The following FBXL17 variants were observed in gnomAD, a reference collection of about 807,000 sequenced individuals.
The protein encoded by FBXL17 is F-box and leucine rich repeat protein 17, also known as F-box/LRR-repeat protein 17.
Under a neutral mutation model 66.2 loss-of-function variants are expected in FBXL17, and 22 were observed. The observed-to-expected ratio is 0.33, with a 90% CI of 0.24 to 0.47. The LOEUF (loss-of-function observed/expected upper bound fraction) is 0.47, where lower values mean the gene tolerates loss of function less well. FBXL17 is among the 20% of genes least tolerant of loss of function. FBXL17 has a pLI of 1.00. For synonymous variants in FBXL17, 474 were observed against 400.5 expected (o/e 1.18, Z -2.19); for missense variants, 878 against 948.2 (o/e 0.93, Z 0.97).
intron 7 of FBXL17, among the ~76,000 whole-genome samples, chr5:107,914,313 T>C (rs1056393948): frequency 2.6e-5 from 4 of 152,112 alleles, no homozygotes; most frequent in Non-Finnish European, 5.9e-5. Context: ...GGTTGCAATA[T>C]CCCTACCTGG....
chr5:108,299,008 T>TA, intron 4 of FBXL17: 6 of 978,740 alleles, frequency 6.1e-6, no homozygotes, highest in Non-Finnish European at 7.3e-6. Flanking sequence ...TTTCCTCTAT[T>TA]ACCTAGCTGC....
chr5:108,144,896 T>C (rs1016375939), intron 6 of FBXL17, among the ~76,000 whole-genome samples: 1 of 152,328 alleles, frequency 6.6e-6, no homozygotes, highest in African/African-American at 2.4e-5. Context: ...TCAAGTAATT[T>C]AGTTAGACTT....
chr5:108,202,262 T>C (rs1220154665), intron 5 of FBXL17, among the ~76,000 whole-genome samples: 2 of 152,140 alleles, frequency 1.3e-5, no homozygotes, highest in African/African-American at 4.8e-5. Context: ...ATTTTACTAG[T>C]GTGATACTGA....
chr5:108,022,121 A>G (rs938753415), intron 6 of FBXL17, among the ~76,000 whole-genome samples: 1 of 151,884 alleles, frequency 6.6e-6, no homozygotes, highest in Non-Finnish European at 1.5e-5. Context: ...AAAATTTTTT[A>G]TGGAATTTTG....
intron 7 of FBXL17, among the ~76,000 whole-genome samples, chr5:107,887,685 C>T (rs1410022518): frequency 1.3e-5 from 2 of 152,126 alleles, no homozygotes; most frequent in African/African-American, 4.8e-5. Flanking sequence ...ATTCATGGTC[C>T]CTGCGAAGGC....
At chr5:108,027,828 C>T (rs1368767396) in intron 6 of FBXL17, among the ~76,000 whole-genome samples, 1 of 152,046 alleles carries the variant, frequency 6.6e-6, no homozygotes, top group Non-Finnish European at 1.5e-5. Flanking sequence ...CCTAATTCAC[C>T]AGTTTATTCA....
intron 7 of FBXL17, among the ~76,000 whole-genome samples, chr5:107,897,852 C>G (rs1383251094): frequency 2.0e-5 from 3 of 149,352 alleles, no homozygotes; most frequent in African/African-American, 7.4e-5. Context: ...CATGACTTCA[C>G]AGGATTTATG....
At chr5:108,263,125 C>T (rs1341433352) in intron 4 of FBXL17, among the ~76,000 whole-genome samples, 1 of 152,172 alleles carries the variant, frequency 6.6e-6, no homozygotes, top group East Asian at 1.9e-4. Context: ...GCTACACCAA[C>T]TCCCCATCTG....
intron 4 of FBXL17, among the ~76,000 whole-genome samples, chr5:108,293,178 T>C (rs752570318): frequency 1.4e-4 from 22 of 152,006 alleles, no homozygotes; most frequent in Admixed American, 3.3e-4. Flanking sequence ...GAAAATATGG[T>C]TATTGCTCAT....
chr5:108,240,271 C>T (rs147355108), intron 4 of FBXL17, among the ~76,000 whole-genome samples: 1 of 152,246 alleles, frequency 6.6e-6, no homozygotes, highest in East Asian at 1.9e-4. Context: ...TCCCTGATTC[C>T]AGGCATTAGC....
chr5:108,054,299 T>C (rs955942192), intron 6 of FBXL17, among the ~76,000 whole-genome samples: 1 of 151,798 alleles, frequency 6.6e-6, no homozygotes, highest in South Asian at 2.1e-4. Flanking sequence ...GTGTTTTCAC[T>C]GGGTATAAAA....
intron 7 of FBXL17, among the ~76,000 whole-genome samples, chr5:108,003,142 A>G (rs1466280872): frequency 6.6e-6 from 1 of 152,220 alleles, no homozygotes; most frequent in Non-Finnish European, 1.5e-5. Context: ...AAGCTTGCTA[A>G]TATTTGTGGC....
At chr5:108,323,042 A>G (rs922037662) in intron 4 of FBXL17, among the ~76,000 whole-genome samples, 1 of 151,968 alleles carries the variant, frequency 6.6e-6, no homozygotes, top group Non-Finnish European at 1.5e-5. Context: ...AATAACAGAA[A>G]CAAGACATGA....
intron 4 of FBXL17, among the ~76,000 whole-genome samples, chr5:108,261,905 C>T (rs755047693): frequency 4.6e-5 from 7 of 151,838 alleles, no homozygotes; most frequent in Non-Finnish European, 7.4e-5. Context: ...ATTTTTAAAA[C>T]GTTACTTTCC....
intron 4 of FBXL17, among the ~76,000 whole-genome samples, chr5:108,276,294 C>T (rs1243036720): frequency 6.6e-6 from 1 of 151,892 alleles, no homozygotes; most frequent in African/African-American, 2.4e-5. Flanking sequence ...TATCAAATGA[C>T]CTTGATGATC....
At chr5:108,153,160 C>A (rs553208114) in intron 6 of FBXL17, among the ~76,000 whole-genome samples, 69 of 152,296 alleles carry the variant, frequency 4.5e-4, no homozygotes, top group African/African-American at 1.7e-3. Context: ...GTCAGTTAAG[C>A]CTCTTTCTTC....
intron 7 of FBXL17, among the ~76,000 whole-genome samples, chr5:107,948,297 C>T (rs1298571120): frequency 6.6e-6 from 1 of 152,028 alleles, no homozygotes; most frequent in Non-Finnish European, 1.5e-5. Flanking sequence ...TTCTTCTTAT[C>T]TAATTTGTAT....
intron 7 of FBXL17, among the ~76,000 whole-genome samples, chr5:107,981,246 CA>C (rs921028303): frequency 3.9e-5 from 6 of 152,176 alleles, no homozygotes; most frequent in Non-Finnish European, 5.9e-5. Flanking sequence ...CATGGAGAAC[CA>C]GGGGTGAAAA....
At chr5:108,366,395 AACTAC>A (rs1185427301) in intron 2 of FBXL17, among the ~76,000 whole-genome samples, 5 of 152,114 alleles carry the variant, frequency 3.3e-5, no homozygotes, top group African/African-American at 1.2e-4. Context: ...AGAAGGAAAG[AACTAC>A]ACTGTTAAGC....
Sources: allele counts gnomAD v4.1 joint callset (sites outside exome capture counted in the v4.1 genomes callset), GRCh38; gene constraint gnomAD v4.1.1; transcripts MANE v1.5; gene names NCBI Gene and HGNC (gene_info 2026-07-23, HGNC 2026-07-21).